The following GABPA variants were observed in gnomAD, a reference collection of about 807,000 sequenced individuals.
The protein encoded by GABPA is GA-binding protein alpha chain.
GABPA carries 4 observed loss-of-function variants against 59.4 expected under a neutral mutation model. The observed-to-expected ratio is 0.07, with a 90% CI of 0.03 to 0.15. The LOEUF (loss-of-function observed/expected upper bound fraction) is 0.15. Among genes scored for constraint, GABPA ranks in the 10% least tolerant of loss-of-function variants. GABPA has a pLI of 1.00. For missense variants in GABPA, 251 were observed against 543.8 expected, an observed-to-expected ratio of 0.46 and a Z score of 5.36; for synonymous variants, 164 against 183.1, an observed-to-expected ratio of 0.90 and a Z score of 0.84.
intron 5 of GABPA, among the ~76,000 whole-genome samples, chr21:25,753,066 T>C (rs2035552553): frequency 6.6e-6 from 1 of 152,164 alleles, no homozygotes; most frequent in Non-Finnish European, 1.5e-5. Context: ...TTGATAAAAA[T>C]TGGTTCCATC....
intron 3 of GABPA, among the ~76,000 whole-genome samples, chr21:25,748,330 G>T (rs1285630941): frequency 6.6e-6 from 1 of 152,208 alleles, no homozygotes; most frequent in Admixed American, 6.5e-5. Flanking sequence ...TTTATGACAT[G>T]CAGACACAGT....
Position 25,771,646 on chromosome 21 carries a change from CT to C in GABPA, c.*2417del, listed in dbSNP as rs2036013153. 3 of 147,400 alleles carry C rather than the reference CT, an allele frequency of 2.0e-5. No individual in the cohort carries two copies. In the South Asian group the frequency reaches 6.2e-4, roughly 31 times the overall value. The allele number at this position is 147,400 out of a possible 1,614,324, so 9.1% of individuals were successfully genotyped here. A position where few individuals can be genotyped will look rare whatever the true frequency, so the allele number is the denominator to read the frequency against. ...AAAATAAAATTTATGCTATTCTTTG[CT>C]TTGTTTTTATAAATGAATTTTTCAT... On this transcript the variant is annotated 3_prime_UTR_variant, in exon 10 of 10. Transcript: ENST00000400075.
chr21:25,752,497 G>T, intron 5 of GABPA: 6 of 410,326 alleles, frequency 1.5e-5, no homozygotes, highest in Non-Finnish European at 1.3e-5. Context: ...GAAGATAGAT[G>T]AAAAGAGATG....
At chr21:25,759,035 A>G (rs2035704142) in intron 6 of GABPA, among the ~76,000 whole-genome samples, 1 of 152,144 alleles carries the variant, frequency 6.6e-6, no homozygotes, top group South Asian at 2.1e-4. Context: ...GCGCCACTAC[A>G]CTCCAGCATG....
In GABPA at chr21:25,752,170, G is replaced by A. The variant is rs1239762663; in HGVS notation, c.489G>A (p.Val163=). Residue 163 remains valine, a synonymous_variant, in exon 5 of 10, where the codon GTG becomes GTA. Coordinates refer to ENST00000400075, the MANE Select transcript of GABPA (RefSeq NM_002040.4). ...TTTCAGATGAAACTTCAGAACAAGT[G>A]ACAAGATGGGCTGCTGCACTGGAAG... ...TTISDETSEQ[V]TRWAAALEGY... 2 of 1,612,250 alleles carry A rather than the reference G, an allele frequency of 1.2e-6. No homozygotes were observed. The highest frequency in any genetic ancestry group is 1.7e-6 in the Non-Finnish European group (2 of 1,178,750).
rs1297602738 is a variant in GABPA, at chr21:25,752,093, G to A, written c.412G>A (p.Val138Ile). 6.2e-7 allele frequency: 1 copy of A among 1,609,676 alleles called. No homozygotes were observed. The highest frequency in any genetic ancestry group is 1.1e-5 in the South Asian group (1 of 90,994). The change falls in exon 5 of 10, where the codon GTT (valine) becomes ATT (isoleucine). Residue 138 changes from valine to isoleucine, a missense_variant. Val to Ile is a conservative substitution (Grantham distance 29, BLOSUM62 3). This residue lies in a region of GABPA where 207 missense variants were observed against 366.7 expected (regional missense o/e 0.56). Transcript: ENST00000400075. ...AHHAESEAHLVEEAQVITLDG... is the reference protein window; with the variant it reads ...AHHAESEAHLIEEAQVITLDG... ...CCATGCTGAATCAGAAGCACATCTT[G>A]TTGAAGAAGCTCAAGTGATAACTCT...
chr21:25,758,465 G>A (rs757162978), intron 6 of GABPA, among the ~76,000 whole-genome samples: 1 of 152,152 alleles, frequency 6.6e-6, no homozygotes, highest in Non-Finnish European at 1.5e-5. Flanking sequence ...CTAGGAAGTG[G>A]CAGAGCCAGG....
intron 2 of GABPA, among the ~76,000 whole-genome samples, chr21:25,744,622 C>G (rs1285106505): frequency 6.6e-6 from 1 of 151,970 alleles, no homozygotes; most frequent in African/African-American, 2.4e-5. Context: ...AGATTTTAAC[C>G]CTTTTGAATT....
At position 25,772,320 on chromosome 21, in the gene GABPA, TAAC is replaced by T. The variant is rs1362344792; in HGVS notation, c.*3091_*3093del. The stretch of plus-strand genomic sequence containing the variant: ...GACAACGACACTTATACTGTCATAA[TAAC>T]AATTATGTATTTCTTTGTGGTTTTA... On this transcript the variant is annotated 3_prime_UTR_variant, in exon 10 of 10. Transcript: ENST00000400075. 1.3e-5 allele frequency: 2 copies of T among 152,150 alleles called. No individual in the cohort carries two copies. The highest frequency in any genetic ancestry group is 2.4e-5 in the African/African-American group (1 of 41,460). 9.4% of individuals were successfully genotyped at this position (152,150 alleles called of 1,614,324 possible). A position where few individuals can be genotyped will look rare whatever the true frequency, so the allele number is the denominator to read the frequency against.
intron 3 of GABPA, among the ~76,000 whole-genome samples, 177 bp downstream of exon 3, chr21:25,745,531 A>G (rs1276462361): frequency 6.6e-6 from 1 of 152,226 alleles, no homozygotes; most frequent in Non-Finnish European, 1.5e-5. Context: ...TTCTCCATTT[A>G]AAGTTATATT....
intron 2 of GABPA, among the ~76,000 whole-genome samples, chr21:25,743,039 A>C (rs1057495399): frequency 6.6e-6 from 1 of 152,116 alleles, no homozygotes; most frequent in East Asian, 1.9e-4. Context: ...TGAGTTTGCA[A>C]TGAAGCTGTC....
chr21:25,750,103 C>T (rs2035471170), intron 4 of GABPA, among the ~76,000 whole-genome samples: 1 of 152,174 alleles, frequency 6.6e-6, no homozygotes, highest in Non-Finnish European at 1.5e-5. Flanking sequence ...TGATGGGAGA[C>T]AGTGACAGAG....
intron 2 of GABPA, 27 bp downstream of exon 2, chr21:25,741,702 T>C (rs781705990): frequency 6.6e-7 from 1 of 1,505,430 alleles, no homozygotes; most frequent in Admixed American, 1.8e-5. Context: ...TTATCATTTT[T>C]TTTCAAAATA....
At chr21:25,764,038 T>C (rs1357155704) in intron 7 of GABPA, among the ~76,000 whole-genome samples, 172 bp from the exon 8 acceptor site, 1 of 152,202 alleles carries the variant, frequency 6.6e-6, no homozygotes, top group Non-Finnish European at 1.5e-5. Flanking sequence ...CTTTACCATC[T>C]GAACTTTTTT....
chr21:25,761,450 C>T (rs1466277239), intron 6 of GABPA, among the ~76,000 whole-genome samples: 1 of 152,102 alleles, frequency 6.6e-6, no homozygotes, highest in Admixed American at 6.6e-5. Context: ...AGGATTCTGA[C>T]CTCTTTTTAC....
intron 4 of GABPA, among the ~76,000 whole-genome samples, chr21:25,751,545 T>G (rs1189051135): frequency 6.6e-6 from 1 of 151,856 alleles, no homozygotes; most frequent in Non-Finnish European, 1.5e-5. Flanking sequence ...CTTTGTCCTT[T>G]AAAAAGAAAA....
intron 9 of GABPA, among the ~76,000 whole-genome samples, chr21:25,767,245 C>T (rs1601157768): frequency 6.6e-6 from 1 of 151,808 alleles, no homozygotes; most frequent in African/African-American, 2.4e-5. Context: ...TGTTTCTTGA[C>T]CTGAGTGATA....
rs1041494718 is a variant in GABPA, at chr21:25,764,403, T to G, written c.943+53T>G. 11 of 1,505,410 alleles carry G rather than the reference T, an allele frequency of 7.3e-6. No homozygotes were observed. In the African/African-American group the frequency reaches 1.6e-4, roughly 21 times the overall value. 93.3% of individuals were successfully genotyped at this position (1,505,410 alleles called of 1,614,324 possible). On this transcript the variant is annotated intron_variant, in intron 8 of 9. Transcript: ENST00000400075. ...AAATATATCTATCTAATTAGGTATA[T>G]TTTGTTGTATTTTACTGTATGAAAA...
At chr21:25,754,082 GTC>G (rs1259235109) in intron 5 of GABPA, among the ~76,000 whole-genome samples, 3 of 152,144 alleles carry the variant, frequency 2.0e-5, no homozygotes, top group Non-Finnish European at 4.4e-5. Context: ...CACTTGAAGT[GTC>G]TCTGGTCAAA....
Sources: gnomAD v4.1 joint callset for allele counts (sites outside exome capture counted in the v4.1 genomes callset) on GRCh38, gnomAD v4.1.1 for gene constraint, gnomAD v4.1.1 regional missense constraint, MANE v1.5 for transcripts, NCBI Gene and HGNC (gene_info 2026-07-23, HGNC 2026-07-21) for gene names.